The following DNAH14 variants were observed in gnomAD, a reference collection of about 807,000 sequenced individuals.
The protein encoded by DNAH14 is dynein axonemal heavy chain 14.
Under a neutral mutation model 520.9 loss-of-function variants are expected in DNAH14, and 478 were observed. The ratio of observed to expected loss-of-function variants is 0.92; its 90% confidence interval spans 0.85 to 0.99. The LOEUF (loss-of-function observed/expected upper bound fraction) is 0.99, where lower values mean the gene tolerates loss of function less well. Ranked by LOEUF, DNAH14 falls within the 50% of genes least tolerant of loss-of-function variation. The pLI is 0.00. For missense variants in DNAH14, 4,831 were observed against 5,234.5 expected, an observed-to-expected ratio of 0.92 and a Z score of 2.38; for synonymous variants, 1,581 against 1,757.2, an observed-to-expected ratio of 0.90 and a Z score of 2.51.
At chr1:225,337,142 C>T in intron 66 of DNAH14, 124 bp from the exon 67 acceptor site, 1 of 857,538 alleles carries the variant, frequency 1.2e-6, no homozygotes, top group Non-Finnish European at 1.8e-6. Context: ...ATTTCCTTAG[C>T]ATTTTTAAAC....
At chr1:225,341,826 T>C (rs991701767) in intron 69 of DNAH14, among the ~76,000 whole-genome samples, 31 of 152,230 alleles carry the variant, frequency 2.0e-4, no homozygotes, top group African/African-American at 7.0e-4. Context: ...TCAACTGTGA[T>C]AAAATACAGT....
At chr1:225,066,856 C>T (rs2070949951) in intron 17 of DNAH14, among the ~76,000 whole-genome samples, 1 of 152,058 alleles carries the variant, frequency 6.6e-6, no homozygotes, top group South Asian at 2.1e-4. Context: ...GAGTATTATT[C>T]CATGGTGTGT....
intron 9 of DNAH14, among the ~76,000 whole-genome samples, chr1:225,003,375 G>C (rs2063910918): frequency 6.6e-6 from 1 of 152,006 alleles, no homozygotes. Flanking sequence ...TAGCTCTTTT[G>C]AGTGGTTAAG....
At chr1:225,200,898 A>G (rs1208825435) in intron 38 of DNAH14, among the ~76,000 whole-genome samples, 1 of 152,084 alleles carries the variant, frequency 6.6e-6, no homozygotes. Flanking sequence ...TTAAATGTCT[A>G]GGTCTCTAGT....
chr1:225,080,533 A>G lies in DNAH14; in HGVS notation c.2921A>G (p.His974Arg), dbSNP rs923282199. The change falls in exon 19 of 86, where the codon CAT (histidine) becomes CGT (arginine). Residue 974 changes from histidine to arginine, a missense_variant. Coordinates refer to ENST00000682510, the MANE Select transcript of DNAH14 (RefSeq NM_001367479.1). ...TTCAGTGATTCTCAATCTCATATGC[A>G]TTCTGTTAATGTGGAAGAAATTACA... ...DCFSDSQSHMHSVNVEEITQI... is the reference protein window; with the variant it reads ...DCFSDSQSHMRSVNVEEITQI... The G allele has an allele frequency of 8.4e-6, 13 of 1,551,930 alleles. No individual in the cohort carries two copies. The highest frequency in any genetic ancestry group is 2.0e-5 in the Admixed American group (1 of 51,014).
intron 17 of DNAH14, among the ~76,000 whole-genome samples, chr1:225,067,608 C>T (rs1413407857): frequency 6.6e-6 from 1 of 152,098 alleles, no homozygotes; most frequent in African/African-American, 2.4e-5. Flanking sequence ...TCCTTTTTCT[C>T]CACAACCTCA....
intron 48 of DNAH14, among the ~76,000 whole-genome samples, chr1:225,266,130 T>C (rs2093107958): frequency 6.6e-6 from 1 of 152,124 alleles, no homozygotes; most frequent in African/African-American, 2.4e-5. Flanking sequence ...TGGAAATGTG[T>C]CTGAATTTTC....
Position 225,040,230 on chromosome 1 carries a change from C to T in DNAH14, c.1488+1407C>T, listed in dbSNP as rs902623863. 6.6e-5 allele frequency among the ~76,000 whole-genome samples: 10 copies of T among 152,078 alleles called. No individual in the cohort carries two copies. The East Asian group carries it at 1.4e-3, about 21-fold the overall frequency. ...TTGGGATTACAGGCATGAGCCACTGCGCCCGGCCATATCTTTTCTTTTTAA... is the reference window on the plus strand; with the variant it reads ...TTGGGATTACAGGCATGAGCCACTGTGCCCGGCCATATCTTTTCTTTTTAA... On this transcript the variant is annotated intron_variant, in intron 12 of 85. Coordinates refer to ENST00000682510, the MANE Select transcript of DNAH14 (RefSeq NM_001367479.1).
At chr1:225,187,514 T>G (rs931424448) in intron 37 of DNAH14, among the ~76,000 whole-genome samples, 1 of 151,912 alleles carries the variant, frequency 6.6e-6, no homozygotes, top group Non-Finnish European at 1.5e-5. Flanking sequence ...TACCTAGGAA[T>G]AGAATTGTTG....
At chr1:225,373,279 A>G (rs2095642179) in intron 77 of DNAH14, among the ~76,000 whole-genome samples, 1 of 152,028 alleles carries the variant, frequency 6.6e-6, no homozygotes, top group South Asian at 2.1e-4. Flanking sequence ...TCACGAGGTC[A>G]GGAGATCGAG....
chr1:224,980,028 A>G (rs1384703415), intron 8 of DNAH14, among the ~76,000 whole-genome samples: 2 of 152,266 alleles, frequency 1.3e-5, no homozygotes, highest in East Asian at 3.9e-4. Flanking sequence ...TGAGACTCAA[A>G]CATGCTGGCT....
intron 69 of DNAH14, among the ~76,000 whole-genome samples, chr1:225,341,438 A>G (rs752774663): frequency 6.6e-6 from 1 of 152,334 alleles, no homozygotes; most frequent in Non-Finnish European, 1.5e-5. Flanking sequence ...CCTGACCAAC[A>G]TGGAGAAACC....
Position 225,080,698 on chromosome 1 carries a change from T to C in DNAH14, c.3086T>C (p.Val1029Ala). 6.5e-7 allele frequency: 1 copy of C among 1,541,576 alleles called. No individual in the cohort carries two copies. Among genetic ancestry groups the C allele is most frequent in the South Asian group, 1.2e-5 (1 of 81,596 alleles). ...SSLQSIDVES[V>A]QRNVSKLMHI... The stretch of plus-strand genomic sequence containing the variant: ...CTTCAAAGTATTGATGTAGAATCAG[T>C]ACAGAGAAATGTTTCAAAACTGATG... Residue 1029 changes from valine (V) to alanine (A), a missense_variant, in exon 19 of 86, where the codon GTA becomes GCA. Val to Ala is a moderately conservative substitution (Grantham distance 64, BLOSUM62 0). Coordinates refer to ENST00000682510, the MANE Select transcript of DNAH14 (RefSeq NM_001367479.1).
chr1:225,335,525 A>ACGTATG (rs2094956790), intron 66 of DNAH14, among the ~76,000 whole-genome samples: 2 of 142,752 alleles, frequency 1.4e-5, no homozygotes, highest in Admixed American at 6.9e-5. Flanking sequence ...ATGTACATAT[A>ACGTATG]TACATATGTA....
intron 1 of DNAH14, among the ~76,000 whole-genome samples, chr1:224,933,024 C>T (rs964074677): frequency 1.3e-4 from 20 of 151,840 alleles, no homozygotes; most frequent in African/African-American, 2.2e-4. Context: ...TTTGGCAATA[C>T]GGTCATTTAA....
chr1:225,335,141 A>ATGTGCG (rs1558423225), intron 66 of DNAH14, among the ~76,000 whole-genome samples: 2 of 123,156 alleles, frequency 1.6e-5, no homozygotes, highest in South Asian at 4.9e-4. Context: ...GTGCATGTGC[A>ATGTGCG]CATGTGTACA....
intron 56 of DNAH14, among the ~76,000 whole-genome samples, 172 bp downstream of exon 56, chr1:225,301,202 C>CA (rs1309469761): frequency 6.6e-6 from 1 of 151,952 alleles, no homozygotes; most frequent in Admixed American, 6.6e-5. Context: ...TTCGGTAGGT[C>CA]AAAAACTAAC....
chr1:225,358,506 T>C lies in DNAH14; in HGVS notation c.11630T>C (p.Leu3877Pro). The C allele has an allele frequency of 6.6e-7, 1 of 1,520,534 alleles. No individual in the cohort carries two copies. The highest frequency in any genetic ancestry group is 1.3e-5 in the South Asian group (1 of 76,784). 94.2% of individuals were successfully genotyped at this position (1,520,534 alleles called of 1,614,324 possible). A position where few individuals can be genotyped will look rare whatever the true frequency, so the allele number is the denominator to read the frequency against. Residue 3877 changes from leucine to proline, a missense_variant, in exon 74 of 86, where the codon CTT (leucine) becomes CCT (proline). Coordinates refer to ENST00000682510, the MANE Select transcript of DNAH14 (RefSeq NM_001367479.1). Reference protein sequence around the residue: ...SFQRLILVKVLRPESLNNSVR... With the variant: ...SFQRLILVKVPRPESLNNSVR... ...TGTTTTCTTTTTTAGGTAAAAGTTC[T>C]TAGACCAGAAAGTTTAAACAATTCA... is the stretch of plus-strand genomic sequence containing the variant.
chr1:225,163,392 A>G (rs942562182), intron 35 of DNAH14, among the ~76,000 whole-genome samples: 15 of 152,220 alleles, frequency 9.9e-5, no homozygotes, highest in Admixed American at 9.8e-4. Context: ...TTCCAGTGCT[A>G]TGTTGAATAA....
Sources: gnomAD v4.1 joint callset for allele counts (sites outside exome capture counted in the v4.1 genomes callset) on GRCh38, gnomAD v4.1.1 for gene constraint, MANE v1.5 for transcripts, NCBI Gene and HGNC (gene_info 2026-07-23, HGNC 2026-07-21) for gene names.